Variants in DENND1A observed in about 807,000 individuals in gnomAD.
DENND1A encodes the protein DENN domain-containing protein 1A.
DENND1A carries 51 observed loss-of-function variants against 113.7 expected under a neutral mutation model. The ratio of observed to expected loss-of-function variants is 0.45; its 90% CI spans 0.36 to 0.57. The LOEUF is 0.57. DENND1A is among the 20% of genes least tolerant of loss of function. The pLI is 0.00. For synonymous variants in DENND1A, 565 were observed against 570.8 expected, an observed-to-expected ratio of 0.99 and a Z score of 0.14; for missense variants, 1,258 against 1,395.9, an observed-to-expected ratio of 0.90 and a Z score of 1.57.
intron 11 of DENND1A, among the ~76,000 whole-genome samples, chr9:123,606,645 T>A (rs932533145): frequency 6.6e-6 from 1 of 152,272 alleles, no homozygotes; most frequent in Non-Finnish European, 1.5e-5. Context: ...AAAACAGTGA[T>A]GCCTATTAGA....
chr9:123,471,562 GAA>G (rs1227900028), intron 13 of DENND1A, among the ~76,000 whole-genome samples: 1 of 152,214 alleles, frequency 6.6e-6, no homozygotes, highest in Non-Finnish European at 1.5e-5. Context: ...ACAGCAAGAA[GAA>G]AAGGAACCTC....
At position 123,805,576 on chromosome 9, in the gene DENND1A, G is replaced by C. The variant is rs564617974; in HGVS notation, c.89-12946C>G. On this transcript the variant is annotated intron_variant, in intron 2 of 23. Transcript: ENST00000394215. ...AGCCTCCCGAGTAGTTGGGATTACA[G>C]GCGCCTGCCACCATGCCCAGCTAAT... Among the ~76,000 whole-genome samples, 8 of 151,768 alleles carry C rather than the reference G, an allele frequency of 5.3e-5. No homozygotes were observed. The South Asian group carries it at 1.7e-3, about 32-fold the overall frequency.
intron 2 of DENND1A, among the ~76,000 whole-genome samples, chr9:123,852,552 A>C (rs554562154): frequency 1.3e-5 from 2 of 152,238 alleles, no homozygotes; most frequent in Non-Finnish European, 2.9e-5. Context: ...ACTTGTTTGA[A>C]TTTATGAATA....
chr9:123,700,701 T>C (rs930367849), intron 5 of DENND1A, among the ~76,000 whole-genome samples: 2 of 152,208 alleles, frequency 1.3e-5, no homozygotes, highest in Non-Finnish European at 2.9e-5. Flanking sequence ...TTATAAATGT[T>C]AGTTAGATTT....
intron 1 of DENND1A, among the ~76,000 whole-genome samples, chr9:123,921,008 T>G (rs1856148318): frequency 6.6e-6 from 1 of 152,206 alleles, no homozygotes; most frequent in Non-Finnish European, 1.5e-5. Context: ...CATCTCAATC[T>G]TTCAAACAAA....
intron 13 of DENND1A, among the ~76,000 whole-genome samples, chr9:123,556,312 G>A (rs184332355): frequency 5.9e-5 from 9 of 152,280 alleles, no homozygotes; most frequent in African/African-American, 1.4e-4. Context: ...GCTGCTCCCT[G>A]AGCACCCACT....
At position 123,803,860 on chromosome 9, in the gene DENND1A, C is replaced by T. The variant is rs557763066; in HGVS notation, c.89-11230G>A. ...TTTGTCGCCTCCTACTCTCTTGGACCCATGACAACCAAGCTTTCACCTCAC... is the reference window on the plus strand; with the variant it reads ...TTTGTCGCCTCCTACTCTCTTGGACTCATGACAACCAAGCTTTCACCTCAC... On this transcript the variant is annotated intron_variant, in intron 2 of 23. Coordinates refer to ENST00000394215, the MANE Select transcript of DENND1A (RefSeq NM_001352964.2). Among the ~76,000 whole-genome samples, 71 of 152,310 alleles carry T rather than the reference C, an allele frequency of 4.7e-4. 1 individual carries two copies. In the South Asian group the frequency reaches 0.014, roughly 30 times the overall value.
At chr9:123,804,683 C>A (rs919472276) in intron 2 of DENND1A, among the ~76,000 whole-genome samples, 1 of 152,184 alleles carries the variant, frequency 6.6e-6, no homozygotes, top group Admixed American at 6.5e-5. Context: ...AACTCCTGAT[C>A]TTTCTCTCAC....
intron 2 of DENND1A, among the ~76,000 whole-genome samples, chr9:123,795,907 G>A (rs1045143429): frequency 2.0e-5 from 3 of 152,130 alleles, no homozygotes; most frequent in East Asian, 1.9e-4. Flanking sequence ...AATAATCAGC[G>A]TATGTCAAGC....
At chr9:123,835,388 A>T (rs1328761511) in intron 2 of DENND1A, among the ~76,000 whole-genome samples, 1 of 152,204 alleles carries the variant, frequency 6.6e-6, no homozygotes, top group Non-Finnish European at 1.5e-5. Flanking sequence ...ATATGGCAGC[A>T]AAATGATAAA....
intron 11 of DENND1A, among the ~76,000 whole-genome samples, chr9:123,604,320 G>A (rs996508361): frequency 1.3e-5 from 2 of 152,170 alleles, no homozygotes; most frequent in Non-Finnish European, 2.9e-5. Context: ...TTATTCTCAA[G>A]GCTAGGGTCA....
chr9:123,787,815 T>C (rs927619405), intron 3 of DENND1A, among the ~76,000 whole-genome samples: 2 of 152,212 alleles, frequency 1.3e-5, no homozygotes, highest in African/African-American at 4.8e-5. Context: ...TGTGCCATGT[T>C]TCTACATTGC....
intron 12 of DENND1A, among the ~76,000 whole-genome samples, chr9:123,573,441 C>T (rs2058466414): frequency 6.6e-6 from 1 of 151,960 alleles, no homozygotes; most frequent in Non-Finnish European, 1.5e-5. Flanking sequence ...CATGGAATAG[C>T]TCTCCATTTA....
At chr9:123,741,658 G>C (rs2069035657) in intron 5 of DENND1A, among the ~76,000 whole-genome samples, 1 of 152,158 alleles carries the variant, frequency 6.6e-6, no homozygotes, top group African/African-American at 2.4e-5. Context: ...TCCTCAATGA[G>C]TAAAATAGAC....
chr9:123,623,147 A>G (rs1480930033), intron 10 of DENND1A, among the ~76,000 whole-genome samples: 5 of 152,396 alleles, frequency 3.3e-5, no homozygotes, highest in African/African-American at 4.8e-5. Flanking sequence ...AAATAAAAAA[A>G]AAATCAAAAT....
At chr9:123,607,528 G>C (rs1181765016) in intron 11 of DENND1A, among the ~76,000 whole-genome samples, 4 of 118,244 alleles carry the variant, frequency 3.4e-5, no homozygotes, top group African/African-American at 1.3e-4. Flanking sequence ...CACAGAGAGA[G>C]AGAGAGAGAG....
chr9:123,902,161 TCACACACACACATACACACA>T (rs1244843622), intron 1 of DENND1A, among the ~76,000 whole-genome samples: 4 of 128,164 alleles, frequency 3.1e-5, no homozygotes, highest in African/African-American at 9.6e-5. Flanking sequence ...TACTCATGGG[TCACACACACACATACACACA>T]CACACACACA....
intron 13 of DENND1A, among the ~76,000 whole-genome samples, chr9:123,489,211 G>A (rs1295442060): frequency 6.6e-6 from 1 of 152,198 alleles, no homozygotes; most frequent in Non-Finnish European, 1.5e-5. Flanking sequence ...AAAAGCAAGT[G>A]ATCTGAAGTT....
intron 13 of DENND1A, among the ~76,000 whole-genome samples, chr9:123,461,710 A>C (rs2048537986): frequency 2.6e-5 from 4 of 152,156 alleles, no homozygotes; most frequent in Non-Finnish European, 5.9e-5. Context: ...AGACATAAAC[A>C]TTTTGGGCCT....
Sources: gnomAD v4.1 joint callset for allele counts (sites outside exome capture counted in the v4.1 genomes callset) on GRCh38, gnomAD v4.1.1 for gene constraint, MANE v1.5 for transcripts, NCBI Gene and HGNC (gene_info 2026-07-23, HGNC 2026-07-21) for gene names.